The following GALNT13 variants were observed in gnomAD, a reference collection of about 807,000 sequenced individuals.
GALNT13 encodes UDP-GalNAc:polypeptide N-acetylgalactosaminyltransferase 13.
GALNT13 carries 28 observed loss-of-function variants against 64.2 expected under a neutral mutation model. The observed-to-expected ratio is 0.44, with a 90% CI of 0.32 to 0.60. The LOEUF (loss-of-function observed/expected upper bound fraction) is 0.60, where lower values mean the gene tolerates loss of function less well. Ranked by LOEUF, GALNT13 falls within the 20% of genes least tolerant of loss-of-function variation. The pLI is 0.05. For missense variants in GALNT13, 577 were observed against 669.8 expected, an observed-to-expected ratio of 0.86 and a Z score of 1.53; for synonymous variants, 214 against 224.6, an observed-to-expected ratio of 0.95 and a Z score of 0.42.
rs1701934469 is a variant in GALNT13, at chr2:154,453,136, C to T, written c.*2585C>T. 1 of 152,126 alleles carries T rather than the reference C, an allele frequency of 6.6e-6. No individual in the cohort carries two copies. Among genetic ancestry groups the T allele is most frequent in the Admixed American group, 6.6e-5 (1 of 15,256 alleles). 9.4% of individuals were successfully genotyped at this position (152,126 alleles called of 1,614,324 possible). A position where few individuals can be genotyped will look rare whatever the true frequency, so the allele number is the denominator to read the frequency against. ...TCACTACCTCTAACCTTTTTAATCG[C>T]AATATGCTTATTATTTAGTTCCCTA... On this transcript the variant is annotated 3_prime_UTR_variant, in exon 13 of 13. Coordinates refer to ENST00000392825, the MANE Select transcript of GALNT13 (RefSeq NM_052917.4).
At chr2:153,482,860 A>G in the GALNT13 span, among the ~76,000 whole-genome samples, 1 of 151,670 alleles carries the variant, frequency 6.6e-6, no homozygotes, top group Non-Finnish European at 1.5e-5. Context: ...GGATTGATCT[A>G]TTCTATGGAA....
At chr2:154,356,153 T>G (rs1343146842) in intron 9 of GALNT13, among the ~76,000 whole-genome samples, 1 of 152,018 alleles carries the variant, frequency 6.6e-6, no homozygotes, top group Non-Finnish European at 1.5e-5. Flanking sequence ...TGCTTTGTTT[T>G]TTGACAAAGT....
At chr2:153,526,292 T>A in the GALNT13 span, among the ~76,000 whole-genome samples, 1 of 152,244 alleles carries the variant, frequency 6.6e-6, no homozygotes. Context: ...AGCACAATCC[T>A]AGTGGTGGCC....
the GALNT13 span, among the ~76,000 whole-genome samples, chr2:153,345,596 G>T: frequency 6.9e-6 from 1 of 145,138 alleles, no homozygotes; most frequent in Non-Finnish European, 1.5e-5. Context: ...ACCCCCACGT[G>T]CCCTCCCATT....
chr2:154,307,098 G>C (rs1358787106), intron 9 of GALNT13, among the ~76,000 whole-genome samples: 3 of 152,078 alleles, frequency 2.0e-5, no homozygotes, highest in African/African-American at 7.2e-5. Flanking sequence ...ATGGAGTTGG[G>C]TAGGTCAGAT....
At chr2:154,217,475 CAT>C (rs1399741911) in intron 4 of GALNT13, among the ~76,000 whole-genome samples, 1 of 152,140 alleles carries the variant, frequency 6.6e-6, no homozygotes, top group South Asian at 2.1e-4. Flanking sequence ...CTTTATGTAT[CAT>C]ATGTTCTATT....
chr2:153,751,369 T>G, the GALNT13 span, among the ~76,000 whole-genome samples: 10,857 of 151,730 alleles, frequency 0.072, 792 homozygotes, highest in African/African-American at 0.18. Context: ...GTTTTGTTTT[T>G]TTTTTCTCTT....
chr2:153,801,327 A>G, the GALNT13 span, among the ~76,000 whole-genome samples: 1 of 146,102 alleles, frequency 6.8e-6, no homozygotes, highest in East Asian at 2.0e-4. Flanking sequence ...TGCTTTTGAC[A>G]TGCCTTTTTT....
the GALNT13 span, among the ~76,000 whole-genome samples, chr2:153,256,815 A>T: frequency 6.6e-6 from 1 of 152,144 alleles, no homozygotes; most frequent in East Asian, 1.9e-4. Context: ...CTGTTCTCAG[A>T]TCTCCAGCTG....
the GALNT13 span, among the ~76,000 whole-genome samples, chr2:153,352,437 G>C: frequency 5.9e-5 from 9 of 151,994 alleles, no homozygotes; most frequent in Non-Finnish European, 8.8e-5. Context: ...CTTTTACACA[G>C]CAGAAAATCT....
At chr2:153,327,062 T>A in the GALNT13 span, among the ~76,000 whole-genome samples, 1 of 151,732 alleles carries the variant, frequency 6.6e-6, no homozygotes, top group East Asian at 1.9e-4. Flanking sequence ...CCAGCCTGGG[T>A]GATGGAGCGA....
At chr2:153,586,416 G>C in the GALNT13 span, among the ~76,000 whole-genome samples, 1 of 152,050 alleles carries the variant, frequency 6.6e-6, no homozygotes, top group Admixed American at 6.6e-5. Flanking sequence ...AGATAAAATC[G>C]ACTTTAAGTT....
At chr2:153,971,567 T>C (rs1222404699) in intron 3 of GALNT13, among the ~76,000 whole-genome samples, 2 of 152,120 alleles carry the variant, frequency 1.3e-5, no homozygotes, top group African/African-American at 4.8e-5. Flanking sequence ...CTAGAGAGAC[T>C]TATTTCAAGA....
At chr2:153,355,016 T>A in the GALNT13 span, among the ~76,000 whole-genome samples, 1 of 152,172 alleles carries the variant, frequency 6.6e-6, no homozygotes, top group African/African-American at 2.4e-5. Context: ...GATTTCTCAA[T>A]TCCCAATCTA....
the GALNT13 span, among the ~76,000 whole-genome samples, chr2:153,804,536 T>C: frequency 2.2e-4 from 34 of 152,240 alleles, no homozygotes; most frequent in East Asian, 1.5e-3. Flanking sequence ...GTGAAAACAT[T>C]ATATCTGATG....
At chr2:154,360,444 C>T (rs758998776) in intron 9 of GALNT13, among the ~76,000 whole-genome samples, 29 of 151,912 alleles carry the variant, frequency 1.9e-4, no homozygotes, top group East Asian at 3.9e-4. Context: ...CTTTGAGTTT[C>T]GGAAAAACTA....
the GALNT13 span, among the ~76,000 whole-genome samples, chr2:153,228,596 G>T: frequency 6.6e-6 from 1 of 151,986 alleles, no homozygotes; most frequent in Non-Finnish European, 1.5e-5. Context: ...ATGTAGATAC[G>T]AGGCAGGGCA....
chr2:153,661,733 A>G, the GALNT13 span, among the ~76,000 whole-genome samples: 2 of 152,204 alleles, frequency 1.3e-5, no homozygotes, highest in Non-Finnish European at 2.9e-5. Context: ...TCCACATAAT[A>G]TATCATCAAT....
the GALNT13 span, among the ~76,000 whole-genome samples, chr2:153,642,615 A>G: frequency 6.6e-6 from 1 of 152,056 alleles, no homozygotes; most frequent in South Asian, 2.1e-4. Context: ...TGTGAAAAAT[A>G]CAAATTTTGA....
Sources: allele counts gnomAD v4.1 joint callset (sites outside exome capture counted in the v4.1 genomes callset), GRCh38; gene constraint gnomAD v4.1.1; transcripts MANE v1.5; gene names NCBI Gene and HGNC (gene_info 2026-07-23, HGNC 2026-07-21).